NAA25: variants seen among roughly 807,000 people sequenced by gnomAD.
NAA25 encodes the protein N-terminal acetyltransferase B complex subunit NAA25.
In NAA25, 30 loss-of-function variants were observed where a neutral mutation model predicts 132.5. That is an observed-to-expected ratio of 0.23 (90% CI 0.17 to 0.31). The LOEUF (loss-of-function observed/expected upper bound fraction) is 0.31, where lower values mean the gene tolerates loss of function less well. NAA25 is among the 10% of genes least tolerant of loss of function. The pLI, the probability that NAA25 is intolerant of heterozygous loss-of-function variation, is 1.00. For synonymous variants in NAA25, 359 were observed against 401.9 expected (o/e 0.89, Z 1.28); for missense variants, 771 against 1,150.4 (o/e 0.67, Z 4.77).
intron 11 of NAA25, among the ~76,000 whole-genome samples, chr12:112,062,355 T>A (rs2078644323): frequency 6.8e-6 from 1 of 147,432 alleles, no homozygotes; most frequent in Non-Finnish European, 1.5e-5. Flanking sequence ...GAGCCAAGAT[T>A]GTTCTACTGC....
intron 23 of NAA25, among the ~76,000 whole-genome samples, chr12:112,031,934 C>T (rs948671309): frequency 6.6e-5 from 10 of 151,770 alleles, no homozygotes; most frequent in Non-Finnish European, 1.0e-4. Flanking sequence ...TACTTTTTCA[C>T]TCACTAGGTT....
intron 15 of NAA25, among the ~76,000 whole-genome samples, chr12:112,050,792 A>AT (rs1397518832): frequency 6.6e-6 from 1 of 152,240 alleles, no homozygotes; most frequent in East Asian, 1.9e-4. Context: ...ATTTTTAAAA[A>AT]TCTATTCCAA....
intron 17 of NAA25, among the ~76,000 whole-genome samples, 180 bp downstream of exon 17, chr12:112,047,485 G>A (rs1035932101): frequency 3.9e-5 from 6 of 152,052 alleles, no homozygotes; most frequent in African/African-American, 1.4e-4. Context: ...ACCGGCCTCG[G>A]CCTCCCAAAG....
chr12:112,065,916 G>A (rs2078711202), intron 11 of NAA25, among the ~76,000 whole-genome samples: 1 of 152,148 alleles, frequency 6.6e-6, no homozygotes, highest in South Asian at 2.1e-4. Flanking sequence ...AGGATATTTA[G>A]CTACTGAAGT....
Position 112,060,306 on chromosome 12 carries a change from C to A in NAA25, c.1411G>T (p.Ala471Ser). ...LQFSDYYCLL[A>S]VHALIDVWRE... ...CATACATCAATAAGCGCATGGACAG[C>A]AAGGAGACAGTAATAGTCAGAAAAT... The change falls in exon 13 of 24, where the codon GCT becomes TCT. Residue 471 changes from alanine to serine, a missense_variant. Around this residue, in one of 3 missense-constraint regions of NAA25, gnomAD observed 417 missense variants for 733.8 expected, o/e 0.57. Transcript: ENST00000261745. 6.2e-7 allele frequency: 1 copy of A among 1,613,586 alleles called. No individual in the cohort carries two copies. The highest frequency in any genetic ancestry group is 8.5e-7 in the Non-Finnish European group (1 of 1,179,722).
In NAA25 at chr12:112,027,663, T is replaced by C. The variant is rs1017726221; in HGVS notation, c.*1868A>G. 2.0e-5 allele frequency: 3 copies of C among 152,226 alleles called. No homozygotes were observed. The highest frequency in any genetic ancestry group is 2.4e-5 in the African/African-American group (1 of 41,440). 9.4% of individuals were successfully genotyped at this position (152,226 alleles called of 1,614,324 possible). A position where few individuals can be genotyped will look rare whatever the true frequency, so the allele number is the denominator to read the frequency against. On this transcript the variant is annotated 3_prime_UTR_variant, in exon 24 of 24. Coordinates refer to ENST00000261745, the MANE Select transcript of NAA25 (RefSeq NM_024953.4). ...TGCTAGATTGATCATGGTCAGTCGA[T>C]AGACTTTTTCAAAGAGCATTTCTAC...
chr12:112,088,327 T>G (rs868076290), intron 3 of NAA25, among the ~76,000 whole-genome samples: 55 of 143,636 alleles, frequency 3.8e-4, no homozygotes, highest in African/African-American at 1.3e-3. Flanking sequence ...GTTTTTTTTT[T>G]TTTTTTTTTT....
At position 112,054,547 on chromosome 12, in the gene NAA25, T is replaced by C; in HGVS notation, c.1469A>G (p.Gln490Arg). The stretch of plus-strand genomic sequence containing the variant: ...TCCCTCTTCCAGCAAAGTCAGGGCC[T>C]GCCACACAGTGGTCTCATCACCTAG... ...RETGDETTVW[Q>R]ALTLLEEGLT... The change falls in exon 14 of 24, where the codon CAG becomes CGG. Residue 490 changes from glutamine to arginine, a missense_variant. Gln to Arg is a conservative substitution (Grantham distance 43). This residue lies in a region of NAA25 where 417 missense variants were observed against 733.8 expected (regional missense o/e 0.57). Transcript: ENST00000261745. 2 of 1,613,888 alleles carry C rather than the reference T, an allele frequency of 1.2e-6. No individual in the cohort carries two copies.
chr12:112,059,716 T>C (rs769608787), intron 13 of NAA25, among the ~76,000 whole-genome samples: 15 of 152,214 alleles, frequency 9.9e-5, no homozygotes, highest in Non-Finnish European at 1.8e-4. Context: ...TATTTTTTTA[T>C]AGTCATTACT....
chr12:112,079,242 C>A (rs1009267395), intron 5 of NAA25, among the ~76,000 whole-genome samples: 1 of 152,106 alleles, frequency 6.6e-6, no homozygotes, highest in African/African-American at 2.4e-5. Flanking sequence ...GCTCACTTAA[C>A]CCTTGTAAAC....
chr12:112,074,412 C>T (rs1053091632), intron 9 of NAA25, among the ~76,000 whole-genome samples: 12 of 146,338 alleles, frequency 8.2e-5, no homozygotes, highest in Non-Finnish European at 1.2e-4. Context: ...ATAAATCTCA[C>T]GGAAAGGCAC....
chr12:112,091,022 C>G (rs987761618), intron 2 of NAA25, among the ~76,000 whole-genome samples, 158 bp from the exon 3 acceptor site: 1 of 152,094 alleles, frequency 6.6e-6, no homozygotes, highest in Admixed American at 6.6e-5. Flanking sequence ...AATCCCGGCA[C>G]TTTGGGAGGC....
intron 1 of NAA25, among the ~76,000 whole-genome samples, chr12:112,104,062 G>C (rs936785127): frequency 3.3e-5 from 5 of 152,100 alleles, no homozygotes; most frequent in Non-Finnish European, 5.9e-5. Context: ...AACTATAGTG[G>C]AATAATTACC....
chr12:112,078,292 A>G, intron 6 of NAA25, 26 bp from the exon 7 acceptor site: 1 of 1,473,796 alleles, frequency 6.8e-7, no homozygotes, highest in Non-Finnish European at 9.3e-7. Context: ...CAAGAAGTGC[A>G]ACCTCTGAAA....
intron 1 of NAA25, among the ~76,000 whole-genome samples, chr12:112,099,628 C>A (rs1295359714): frequency 1.3e-5 from 2 of 152,204 alleles, no homozygotes; most frequent in South Asian, 4.2e-4. Flanking sequence ...AAGCTGCACT[C>A]CTGAGGTAAC....
intron 13 of NAA25, among the ~76,000 whole-genome samples, chr12:112,058,447 CA>C (rs1458442721): frequency 1.3e-5 from 2 of 152,184 alleles, no homozygotes; most frequent in African/African-American, 4.8e-5. Context: ...TATCCCAAAA[CA>C]CTTGACTTTT....
chr12:112,048,020 G>T (rs186234184), intron 16 of NAA25, among the ~76,000 whole-genome samples: 1 of 152,252 alleles, frequency 6.6e-6, no homozygotes, highest in Non-Finnish European at 1.5e-5. Context: ...GAAATCTCTT[G>T]ATTTGTAGGG....
intron 22 of NAA25, 86 bp downstream of exon 22, chr12:112,039,143 G>C (rs1417155252): frequency 2.7e-6 from 2 of 752,792 alleles, no homozygotes; most frequent in Non-Finnish European, 4.2e-6. Context: ...GGATCCTAAG[G>C]ACTCAACATG....
chr12:112,096,363 A>T (rs908165900), intron 1 of NAA25, among the ~76,000 whole-genome samples: 5 of 152,192 alleles, frequency 3.3e-5, no homozygotes, highest in Admixed American at 6.5e-5. Flanking sequence ...AACTTAAAAT[A>T]ATCTATGACC....
Sources: allele counts gnomAD v4.1 joint callset (sites outside exome capture counted in the v4.1 genomes callset), GRCh38; gene constraint gnomAD v4.1.1; regional missense constraint gnomAD v4.1.1; transcripts MANE v1.5; gene names NCBI Gene and HGNC (gene_info 2026-07-23, HGNC 2026-07-21).